Variants in LRMDA observed in about 807,000 individuals in gnomAD.
The protein encoded by LRMDA is leucine-rich melanocyte differentiation-associated protein.
In LRMDA, 18 loss-of-function variants were observed where a neutral mutation model predicts 29.8. That is an observed-to-expected ratio of 0.60 (90% confidence interval 0.42 to 0.90). The LOEUF (loss-of-function observed/expected upper bound fraction) is 0.90, where lower values mean the gene tolerates loss of function less well. Ranked by LOEUF, LRMDA falls within the 40% of genes least tolerant of loss-of-function variation. The pLI is 0.00. For missense variants in LRMDA, 273 were observed against 273.9 expected, an observed-to-expected ratio of 1.00 and a Z score of 0.02; for synonymous variants, 125 against 109.4, an observed-to-expected ratio of 1.14 and a Z score of -0.89.
intron 5 of LRMDA, among the ~76,000 whole-genome samples, chr10:76,149,608 G>A (rs17445202): frequency 0.15 from 22,798 of 152,138 alleles, 2,019 homozygotes; most frequent in Non-Finnish European, 0.2. Context: ...TGAAATAAAA[G>A]CCTACAAATT....
At chr10:75,603,290 G>C (rs967734285) in intron 2 of LRMDA, among the ~76,000 whole-genome samples, 2 of 151,776 alleles carry the variant, frequency 1.3e-5, no homozygotes, top group Non-Finnish European at 2.9e-5. Flanking sequence ...CAAGTTTAGG[G>C]TCTGTTTCAT....
At position 76,006,000 on chromosome 10, in the gene LRMDA, G is replaced by A. The variant is rs551095735; in HGVS notation, c.132-30008G>A. Among the ~76,000 whole-genome samples the A allele has an allele frequency of 5.3e-5, 8 of 152,166 alleles. No homozygotes were observed. In the East Asian group the frequency reaches 1.5e-3, roughly 29 times the overall value. On this transcript the variant is annotated intron_variant, in intron 2 of 6. Coordinates refer to ENST00000611255, the MANE Select transcript of LRMDA (RefSeq NM_001305581.2). Reference sequence around the variant, plus strand: ...TTAGTTCTTCTTAGGAAGGTTCTAGGCTGTGGTGAGAACCCCTCTAATGCA... The same window carrying A: ...TTAGTTCTTCTTAGGAAGGTTCTAGACTGTGGTGAGAACCCCTCTAATGCA...
intron 6 of LRMDA, among the ~76,000 whole-genome samples, chr10:76,347,517 T>C (rs893932469): frequency 6.6e-6 from 1 of 152,140 alleles, no homozygotes; most frequent in Non-Finnish European, 1.5e-5. Context: ...AAATAAAGAA[T>C]GGCAAATAAC....
intron 2 of LRMDA, among the ~76,000 whole-genome samples, chr10:75,963,246 C>A (rs908783681): frequency 1.3e-5 from 2 of 152,176 alleles, no homozygotes; most frequent in African/African-American, 4.8e-5. Context: ...ATCCAAGAAT[C>A]TGAGCCACAC....
chr10:76,159,158 A>T (rs774607948), intron 5 of LRMDA, among the ~76,000 whole-genome samples: 8 of 152,196 alleles, frequency 5.3e-5, no homozygotes, highest in Non-Finnish European at 1.0e-4. Context: ...TAAAGTGATT[A>T]TGCTGAATAA....
At chr10:75,512,629 G>C (rs961925885) in intron 2 of LRMDA, among the ~76,000 whole-genome samples, 4 of 152,162 alleles carry the variant, frequency 2.6e-5, no homozygotes, top group African/African-American at 9.7e-5. Context: ...TGGCAGCTGG[G>C]AAGGGGCAGA....
At chr10:75,671,578 T>G (rs1411779304) in intron 2 of LRMDA, among the ~76,000 whole-genome samples, 2 of 151,550 alleles carry the variant, frequency 1.3e-5, no homozygotes, top group East Asian at 3.9e-4. Context: ...TAAGTGGGAG[T>G]TGCACAATGA....
At chr10:76,166,435 A>G (rs1374045820) in intron 5 of LRMDA, among the ~76,000 whole-genome samples, 1 of 152,154 alleles carries the variant, frequency 6.6e-6, no homozygotes, top group African/African-American at 2.4e-5. Context: ...CCTAGTATCC[A>G]TTAGTTACTT....
chr10:75,667,469 T>A (rs1841837766), intron 2 of LRMDA, among the ~76,000 whole-genome samples: 2 of 152,200 alleles, frequency 1.3e-5, no homozygotes, highest in South Asian at 4.1e-4. Context: ...GATACATTTT[T>A]AAAAATTATT....
intron 2 of LRMDA, among the ~76,000 whole-genome samples, chr10:75,695,331 A>G (rs1283238225): frequency 1.3e-5 from 2 of 150,644 alleles, no homozygotes. Context: ...ATTAAAATAC[A>G]ATTGCTTTAA....
intron 2 of LRMDA, among the ~76,000 whole-genome samples, chr10:75,804,697 C>T (rs532999663): frequency 6.6e-6 from 1 of 152,312 alleles, no homozygotes; most frequent in South Asian, 2.1e-4. Flanking sequence ...GGGAGGGGCT[C>T]ATTGTTGCAG....
chr10:76,071,085 G>T (rs182506279), intron 5 of LRMDA, among the ~76,000 whole-genome samples: 2 of 152,158 alleles, frequency 1.3e-5, no homozygotes, highest in South Asian at 2.1e-4. Flanking sequence ...GAGTGACCTC[G>T]CACTCAACTC....
At chr10:76,434,458 T>A (rs982902151) in intron 6 of LRMDA, among the ~76,000 whole-genome samples, 2 of 152,154 alleles carry the variant, frequency 1.3e-5, no homozygotes, top group Non-Finnish European at 2.9e-5. Flanking sequence ...TCTTTCTTTC[T>A]TATGTAAGGA....
intron 2 of LRMDA, among the ~76,000 whole-genome samples, chr10:75,815,100 A>C (rs547766998): frequency 6.6e-6 from 1 of 152,162 alleles, no homozygotes; most frequent in Non-Finnish European, 1.5e-5. Flanking sequence ...CTACCAGCCA[A>C]CTACTTCAAT....
intron 2 of LRMDA, among the ~76,000 whole-genome samples, chr10:75,967,549 C>T (rs1846884386): frequency 6.6e-6 from 1 of 152,136 alleles, no homozygotes; most frequent in Non-Finnish European, 1.5e-5. Flanking sequence ...ATAAATGAGT[C>T]CTTCAGAGCA....
At chr10:75,801,973 C>A (rs182554822) in intron 2 of LRMDA, among the ~76,000 whole-genome samples, 26 of 152,238 alleles carry the variant, frequency 1.7e-4, no homozygotes, top group Admixed American at 3.9e-4. Flanking sequence ...TGTTCCCAAT[C>A]TCCTTCTTGC....
intron 4 of LRMDA, among the ~76,000 whole-genome samples, chr10:76,054,897 C>G (rs532657416): frequency 2.7e-5 from 4 of 150,916 alleles, no homozygotes; most frequent in African/African-American, 7.3e-5. Flanking sequence ...AACGCTGTCT[C>G]TACTAAAAAT....
chr10:76,274,322 C>A (rs901935466), intron 5 of LRMDA, among the ~76,000 whole-genome samples: 1 of 152,084 alleles, frequency 6.6e-6, no homozygotes, highest in Non-Finnish European at 1.5e-5. Flanking sequence ...GTGTTTTTAC[C>A]ATCAAATTAG....
Position 76,036,101 on chromosome 10 carries a change from C to T in LRMDA, c.225C>T (p.Pro75=). Residue 75 remains proline (P), a synonymous_variant, in exon 3 of 7, where the codon CCC becomes CCT. Coordinates refer to ENST00000611255, the MANE Select transcript of LRMDA (RefSeq NM_001305581.2). Reference sequence around the variant, plus strand: ...ACGACCTTGTGTTGCCAGGGTTACCCAGACTGCATACCTTAACCCTCAACA... The same window carrying T: ...ACGACCTTGTGTTGCCAGGGTTACCTAGACTGCATACCTTAACCCTCAACA... ...LGDDLVLPGL[P]RLHTLTLNKN... is the part of the protein sequence containing the mutation. 2 of 1,614,054 alleles carry T rather than the reference C, an allele frequency of 1.2e-6. No individual in the cohort carries two copies. The highest frequency in any genetic ancestry group is 1.7e-6 in the Non-Finnish European group (2 of 1,180,012).
Sources: allele counts gnomAD v4.1 joint callset (sites outside exome capture counted in the v4.1 genomes callset), GRCh38; gene constraint gnomAD v4.1.1; transcripts MANE v1.5; gene names NCBI Gene and HGNC (gene_info 2026-07-23, HGNC 2026-07-21).